NCKAP5: variants seen among roughly 807,000 people sequenced by gnomAD.
NCKAP5 encodes nck-associated protein 5.
Under a neutral mutation model 167.0 loss-of-function variants are expected in NCKAP5, and 92 were observed. The observed-to-expected ratio is 0.55, with a 90% CI of 0.47 to 0.66. NCKAP5 has a LOEUF of 0.66. Among genes scored for constraint, NCKAP5 ranks in the 30% least tolerant of loss-of-function variants. The pLI is 0.00. For synonymous variants in NCKAP5, 891 were observed against 877.4 expected, an observed-to-expected ratio of 1.02 and a Z score of -0.27; for missense variants, 2,378 against 2,315.0, an observed-to-expected ratio of 1.03 and a Z score of -0.56.
intron 6 of NCKAP5, among the ~76,000 whole-genome samples, chr2:133,121,114 G>T (rs1218145013): frequency 1.3e-5 from 2 of 152,060 alleles, no homozygotes; most frequent in Non-Finnish European, 2.9e-5. Flanking sequence ...CCAATTTGTA[G>T]AAAATACCGA....
At chr2:132,925,008 C>G (rs939098551) in intron 8 of NCKAP5, among the ~76,000 whole-genome samples, 4 of 152,032 alleles carry the variant, frequency 2.6e-5, no homozygotes, top group Non-Finnish European at 5.9e-5. Flanking sequence ...GCATCTCATA[C>G]CCCTACAGAG....
chr2:133,015,439 A>G (rs1377823420), intron 6 of NCKAP5, among the ~76,000 whole-genome samples: 1 of 152,108 alleles, frequency 6.6e-6, no homozygotes, highest in African/African-American at 2.4e-5. Context: ...AATAAATATA[A>G]CTCATGGAAG....
chr2:133,370,308 G>A (rs1685716220), intron 3 of NCKAP5, among the ~76,000 whole-genome samples: 2 of 152,176 alleles, frequency 1.3e-5, no homozygotes, highest in African/African-American at 4.8e-5. Flanking sequence ...TTTACTCTGT[G>A]TACTTTTTAC....
intron 4 of NCKAP5, among the ~76,000 whole-genome samples, chr2:133,226,235 C>T (rs1347399023): frequency 3.3e-5 from 5 of 152,088 alleles, no homozygotes; most frequent in East Asian, 3.9e-4. Context: ...GCCGCCACAC[C>T]GGGCCCAAAA....
chr2:132,676,756 G>T (rs1170764768), intron 19 of NCKAP5, among the ~76,000 whole-genome samples: 1 of 152,124 alleles, frequency 6.6e-6, no homozygotes, highest in Non-Finnish European at 1.5e-5. Context: ...TGTGTGTTCT[G>T]TACAGACACT....
chr2:133,221,028 C>T (rs1276941128), intron 4 of NCKAP5, among the ~76,000 whole-genome samples: 2 of 150,792 alleles, frequency 1.3e-5, no homozygotes, highest in Non-Finnish European at 2.9e-5. Context: ...GTCACAAATA[C>T]CCTATATATG....
At chr2:132,739,694 C>T (rs562166208) in intron 16 of NCKAP5, among the ~76,000 whole-genome samples, 4 of 152,288 alleles carry the variant, frequency 2.6e-5, no homozygotes, top group African/African-American at 9.6e-5. Context: ...GTACACTTTA[C>T]TCAACAACTA....
intron 7 of NCKAP5, among the ~76,000 whole-genome samples, chr2:132,969,026 A>T (rs998647055): frequency 2.0e-5 from 3 of 152,234 alleles, no homozygotes; most frequent in East Asian, 1.9e-4. Flanking sequence ...TCCCTGTAAA[A>T]TATCACTGAC....
rs187314578 is a variant in NCKAP5, at chr2:133,180,528, G to A, written c.207+33188C>T. Among the ~76,000 whole-genome samples the A allele has an allele frequency of 1.5e-3, 233 of 152,070 alleles. 1 individual carries two copies. The highest frequency in any genetic ancestry group is 2.2e-3 in the Non-Finnish European group (150 of 67,986). Reference sequence around the variant, plus strand: ...AATTTTTGTATTTTTTTGTAGAGACGCGGTTTCACTATGTTACCCAGGCTG... The same window carrying A: ...AATTTTTGTATTTTTTTGTAGAGACACGGTTTCACTATGTTACCCAGGCTG... On this transcript the variant is annotated intron_variant, in intron 5 of 19. Transcript: ENST00000409261.
chr2:133,322,861 A>G lies in NCKAP5; in HGVS notation c.70-19751T>C, dbSNP rs575539909. 7.2e-5 allele frequency among the ~76,000 whole-genome samples: 11 copies of G among 152,354 alleles called. No individual in the cohort carries two copies. The South Asian group carries it at 2.3e-3, about 32-fold the overall frequency. ...AACAGACTGCAGGGTCCCACCCCCAAGAATTTCTGATTCAGCACATCTGGG... is the reference window on the plus strand; with the variant it reads ...AACAGACTGCAGGGTCCCACCCCCAGGAATTTCTGATTCAGCACATCTGGG... On this transcript the variant is annotated intron_variant, in intron 3 of 19. Transcript: ENST00000409261.
chr2:132,925,987 A>G (rs1040866737), intron 8 of NCKAP5, among the ~76,000 whole-genome samples: 2 of 152,206 alleles, frequency 1.3e-5, no homozygotes, highest in Admixed American at 6.5e-5. Flanking sequence ...CATCACCTGA[A>G]GAGTGTACAT....
intron 6 of NCKAP5, among the ~76,000 whole-genome samples, chr2:133,070,680 T>C (rs1438216498): frequency 2.6e-5 from 4 of 152,102 alleles, no homozygotes; most frequent in African/African-American, 9.7e-5. Flanking sequence ...CAAGAAGTTA[T>C]ACACTCCTCC....
chr2:132,858,110 T>G (rs1689610262), intron 11 of NCKAP5, among the ~76,000 whole-genome samples: 1 of 149,170 alleles, frequency 6.7e-6, no homozygotes, highest in Non-Finnish European at 1.5e-5. Flanking sequence ...TAATAACTAA[T>G]GCAGCCTTCT....
At position 133,088,076 on chromosome 2, in the gene NCKAP5, C is replaced by T. The variant is rs147982855; in HGVS notation, c.341+41902G>A. Among the ~76,000 whole-genome samples the T allele has an allele frequency of 4.6e-3, 701 of 152,254 alleles. 5 individuals are homozygous for T. The highest frequency in any genetic ancestry group is 0.016 in the African/African-American group (682 of 41,542). On this transcript the variant is annotated intron_variant, in intron 6 of 19. Coordinates refer to ENST00000409261, the MANE Select transcript of NCKAP5 (RefSeq NM_207363.3). ...TGCCTCCTCTCTCACTATTAAAAGG[C>T]GGCTTCTATCATTTGCTTGTATGAT...
intron 5 of NCKAP5, among the ~76,000 whole-genome samples, chr2:133,196,637 T>G (rs1011500503): frequency 6.6e-6 from 1 of 152,142 alleles, no homozygotes; most frequent in Non-Finnish European, 1.5e-5. Flanking sequence ...GAAGTTCCGC[T>G]GAACCAGCAG....
At chr2:133,538,973 C>G (rs1311451065) in intron 2 of NCKAP5, among the ~76,000 whole-genome samples, 2 of 122,454 alleles carry the variant, frequency 1.6e-5, no homozygotes, top group Admixed American at 9.7e-5. Context: ...CGGAGTCTCA[C>G]TCTGTCGCCC....
intron 8 of NCKAP5, among the ~76,000 whole-genome samples, chr2:132,893,347 G>A (rs1195659926): frequency 1.3e-5 from 2 of 152,204 alleles, no homozygotes; most frequent in African/African-American, 4.8e-5. Flanking sequence ...ACCAGGGTGG[G>A]TGTACACATG....
At chr2:133,189,412 G>T (rs1260884641) in intron 5 of NCKAP5, among the ~76,000 whole-genome samples, 1 of 152,172 alleles carries the variant, frequency 6.6e-6, no homozygotes. Context: ...GAAAAAGAAA[G>T]AATCCTCCAT....
intron 5 of NCKAP5, among the ~76,000 whole-genome samples, chr2:133,160,429 CTTTCTT>C (rs1318782337): frequency 2.3e-5 from 2 of 86,666 alleles, no homozygotes; most frequent in East Asian, 6.5e-4. Context: ...TTTTCTTTTC[CTTTCTT>C]TTTCTTTTTT....
Sources: gnomAD v4.1 joint callset for allele counts (sites outside exome capture counted in the v4.1 genomes callset) on GRCh38, gnomAD v4.1.1 for gene constraint, MANE v1.5 for transcripts, NCBI Gene and HGNC (gene_info 2026-07-23, HGNC 2026-07-21) for gene names.